The following RGS5 variants were observed in gnomAD, a reference collection of about 807,000 sequenced individuals.
RGS5 encodes regulator of G protein signaling 5.
A neutral mutation model predicts 18.9 loss-of-function variants in RGS5; 20 were observed. The observed-to-expected ratio is 1.06, with a 90% CI of 0.74 to 1.54. The LOEUF (loss-of-function observed/expected upper bound fraction) is 1.54, where lower values mean the gene tolerates loss of function less well. RGS5 is among the 40% of genes most tolerant of loss of function. RGS5 has a pLI of 0.00. For missense variants in RGS5, 201 were observed against 211.8 expected, an observed-to-expected ratio of 0.95 and a Z score of 0.32; for synonymous variants, 57 against 76.2, an observed-to-expected ratio of 0.75 and a Z score of 1.31.
At chr1:163,284,182 G>A (rs1649077517) in intron 2 of RGS5, among the ~76,000 whole-genome samples, 1 of 152,060 alleles carries the variant, frequency 6.6e-6, no homozygotes, top group Non-Finnish European at 1.5e-5. Context: ...TAACTCTTTT[G>A]TTGTTACATA....
At chr1:163,207,674 G>A (rs79641564), upstream of RGS5, among the ~76,000 whole-genome samples, 1,872 of 151,986 alleles carry the variant, frequency 0.012, 36 homozygotes, top group African/African-American at 0.043. Flanking sequence ...TTTAATATTG[G>A]TGTGCAAGAA....
chr1:163,291,841 G>A (rs180775481), intron 2 of RGS5, among the ~76,000 whole-genome samples: 4 of 152,228 alleles, frequency 2.6e-5, no homozygotes, highest in Non-Finnish European at 5.9e-5. Context: ...TCCATTTCCT[G>A]AGCGGTGTGG....
intron 2 of RGS5, among the ~76,000 whole-genome samples, chr1:163,273,661 A>G (rs1048191596): frequency 6.6e-6 from 1 of 152,128 alleles, no homozygotes; most frequent in African/African-American, 2.4e-5. Context: ...TAAATCTAAC[A>G]TATAGGACCA....
intron 2 of RGS5, among the ~76,000 whole-genome samples, chr1:163,286,056 T>C (rs974731467): frequency 6.6e-6 from 1 of 151,030 alleles, no homozygotes; most frequent in Non-Finnish European, 1.5e-5. Flanking sequence ...ATATATACAG[T>C]CAGTCCTCCA....
At chr1:163,249,474 C>T (rs1648040082) in intron 2 of RGS5, among the ~76,000 whole-genome samples, 1 of 152,212 alleles carries the variant, frequency 6.6e-6, no homozygotes, top group Non-Finnish European at 1.5e-5. Context: ...CCCACTCTTT[C>T]CATGCTGCTA....
At chr1:163,289,415 TAA>T (rs1257879234) in intron 2 of RGS5, among the ~76,000 whole-genome samples, 1 of 152,102 alleles carries the variant, frequency 6.6e-6, no homozygotes, top group Non-Finnish European at 1.5e-5. Flanking sequence ...AATACCATAC[TAA>T]GTTTTCAAAT....
chr1:163,208,268 A>G (rs7415906), intron 1 of RGS5, among the ~76,000 whole-genome samples: 124,524 of 146,582 alleles, frequency 0.85, 53,179 homozygotes, highest in African/African-American at 0.94. Flanking sequence ...GAATGGCGTG[A>G]ACCCGGGAGG....
chr1:163,292,225 C>T (rs952043199), intron 2 of RGS5, among the ~76,000 whole-genome samples: 1 of 152,050 alleles, frequency 6.6e-6, no homozygotes, highest in Admixed American at 6.6e-5. Flanking sequence ...TATATCCATG[C>T]ATTCTCATCA....
chr1:163,165,917 A>C (rs12063288), intron 2 of RGS5, among the ~76,000 whole-genome samples: 113 of 9,038 alleles, frequency 0.013, no homozygotes, highest in African/African-American at 0.053. Context: ...AAAAAAAAAC[A>C]AAAAAAAAAC....
At chr1:163,175,346 T>C (rs1276433008) in intron 1 of RGS5, among the ~76,000 whole-genome samples, 1 of 152,144 alleles carries the variant, frequency 6.6e-6, no homozygotes, top group Non-Finnish European at 1.5e-5. Flanking sequence ...AGAATGCATT[T>C]TGCTGAAAGC....
chr1:163,244,273 T>C (rs1478601993), intron 2 of RGS5, among the ~76,000 whole-genome samples: 2 of 152,176 alleles, frequency 1.3e-5, no homozygotes, highest in African/African-American at 4.8e-5. Flanking sequence ...GAACACAGAA[T>C]CCTCTAAAGT....
chr1:163,153,805 G>T (rs1657473599), intron 3 of RGS5, among the ~76,000 whole-genome samples: 1 of 142,698 alleles, frequency 7.0e-6, no homozygotes, highest in African/African-American at 2.5e-5. Context: ...GAATATATAT[G>T]TATTATTCAA....
intron 1 of RGS5, among the ~76,000 whole-genome samples, chr1:163,190,739 T>C (rs1419631180): frequency 6.6e-6 from 1 of 152,224 alleles, no homozygotes; most frequent in Admixed American, 6.5e-5. Flanking sequence ...CTGAATTGCA[T>C]GTTGTTTTCC....
chr1:163,320,410 G>GA (rs1486452879), intron 1 of RGS5, among the ~76,000 whole-genome samples: 1 of 152,168 alleles, frequency 6.6e-6, no homozygotes, highest in Non-Finnish European at 1.5e-5. Context: ...TAAAGATGCA[G>GA]AAACGAGCTC....
At chr1:163,203,742 T>A (rs1320655200), upstream of RGS5, among the ~76,000 whole-genome samples, 6 of 152,162 alleles carry the variant, frequency 3.9e-5, no homozygotes, top group Admixed American at 2.0e-4. Context: ...ACTAATGCTT[T>A]GTAATTCTTT....
chr1:163,197,282 C>T (rs1372242316), intron 1 of RGS5, among the ~76,000 whole-genome samples: 3 of 152,100 alleles, frequency 2.0e-5, no homozygotes, highest in Non-Finnish European at 4.4e-5. Context: ...GTCCCCTTCA[C>T]CTAGATGGCC....
At chr1:163,221,329 C>T (rs1198726410), upstream of RGS5, among the ~76,000 whole-genome samples, 1 of 152,124 alleles carries the variant, frequency 6.6e-6, no homozygotes, top group East Asian at 1.9e-4. Context: ...GAAACTCCAT[C>T]TCTACTACAA....
chr1:163,216,244 A>AGG (rs970522726), intron 1 of RGS5, among the ~76,000 whole-genome samples: 9 of 152,194 alleles, frequency 5.9e-5, no homozygotes, highest in African/African-American at 1.7e-4. Flanking sequence ...CCAAGTGCAC[A>AGG]GGGGCCAGGG....
intron 1 of RGS5, among the ~76,000 whole-genome samples, chr1:163,188,794 C>T (rs1280136690): frequency 6.6e-6 from 1 of 151,440 alleles, no homozygotes; most frequent in African/African-American, 2.4e-5. Context: ...CCCGTCTCTA[C>T]TAAAAATACA....
Sources: gnomAD v4.1 joint callset for allele counts (sites outside exome capture counted in the v4.1 genomes callset) on GRCh38, gnomAD v4.1.1 for gene constraint, MANE v1.5 for transcripts, NCBI Gene and HGNC (gene_info 2026-07-23, HGNC 2026-07-21) for gene names.